The following TRIM33 variants were observed in gnomAD, a reference collection of about 807,000 sequenced individuals.
TRIM33 encodes tripartite motif containing 33, also known as E3 ubiquitin-protein ligase TRIM33.
TRIM33 carries 20 observed loss-of-function variants against 125.4 expected under a neutral mutation model. The ratio of observed to expected loss-of-function variants is 0.16; its 90% CI spans 0.11 to 0.23. The LOEUF is 0.23. Ranked by LOEUF, TRIM33 falls within the 10% of genes least tolerant of loss-of-function variation. The probability of loss-of-function intolerance (pLI) is 1.00; values close to 1 mark genes in which losing one functional copy is unlikely to be tolerated. For synonymous variants in TRIM33, 564 were observed against 513.9 expected, an observed-to-expected ratio of 1.10 and a Z score of -1.32; for missense variants, 920 against 1,411.4, an observed-to-expected ratio of 0.65 and a Z score of 5.58.
At chr1:114,410,422 C>G in intron 11 of TRIM33, 106 bp from the exon 12 acceptor site, 1 of 1,158,812 alleles carries the variant, frequency 8.6e-7, no homozygotes, top group Non-Finnish European at 1.2e-6. Context: ...AACAGATTAT[C>G]CAATATCAAG....
At chr1:114,504,665 T>C (rs1652896171) in intron 1 of TRIM33, among the ~76,000 whole-genome samples, 1 of 152,210 alleles carries the variant, frequency 6.6e-6, no homozygotes, top group Admixed American at 6.5e-5. Context: ...TGCTTTAAGG[T>C]ATTCTCATTT....
chr1:114,433,797 G>A, intron 4 of TRIM33, 64 bp from the exon 5 acceptor site: 1 of 1,036,838 alleles, frequency 9.6e-7, no homozygotes, highest in Non-Finnish European at 1.5e-6. Flanking sequence ...TGGAAATAAA[G>A]AACAGCTAAA....
At chr1:114,422,217 C>T (rs949984715) in intron 10 of TRIM33, among the ~76,000 whole-genome samples, 8 of 152,006 alleles carry the variant, frequency 5.3e-5, no homozygotes, top group African/African-American at 9.7e-5. Context: ...CTTAAGAAAA[C>T]GAATTCTACA....
chr1:114,494,689 C>T (rs1035606569), intron 1 of TRIM33, among the ~76,000 whole-genome samples: 2 of 152,108 alleles, frequency 1.3e-5, no homozygotes, highest in African/African-American at 4.8e-5. Flanking sequence ...AGGCCAACAG[C>T]CGTACTAAAA....
rs1571994990 is a variant in TRIM33 at position 114,393,218 on chromosome 1, A to G, written c.*4430T>C. The G allele has an allele frequency of 4.7e-5, 10 of 212,568 alleles. No homozygotes were observed. The highest frequency in any genetic ancestry group is 3.7e-4 in the South Asian group (2 of 5,352). 13.2% of individuals were successfully genotyped at this position (212,568 alleles called of 1,614,324 possible). A position where few individuals can be genotyped will look rare whatever the true frequency, so the allele number is the denominator to read the frequency against. On this transcript the variant is annotated 3_prime_UTR_variant, in exon 20 of 20. Transcript: ENST00000358465. ...AACCCTTTCGTGTGTAGGTATGTCT[A>G]CATAAAAAATTAACAGGCTTTCAAA...
At chr1:114,498,213 A>G (rs1436406077) in intron 1 of TRIM33, among the ~76,000 whole-genome samples, 1 of 152,140 alleles carries the variant, frequency 6.6e-6, no homozygotes, top group African/African-American at 2.4e-5. Context: ...AAAAGTAAAA[A>G]GTCAAATGAA....
chr1:114,401,390 G>A lies in TRIM33; in HGVS notation c.2966C>T (p.Ser989Leu). 3.7e-6 allele frequency: 6 copies of A among 1,611,350 alleles called. No individual in the cohort carries two copies. In the East Asian group the frequency reaches 6.7e-5, roughly 18 times the overall value. ...SIEFQEPVPA[S>L]IPNYYKIIKK... The stretch of plus-strand genomic sequence containing the variant: ...GAGCTACTAAGGTAGGCAACTCACC[G>A]AAGCAGGAACAGGCTCCTGGAATTC... The change falls in exon 17 of 20, where the codon TCG (serine) becomes TTG (leucine). Residue 989 changes from serine to leucine, a missense_variant and splice_region_variant. This residue lies in a region of TRIM33 where 122 missense variants were observed against 236.8 expected (regional missense o/e 0.52). Coordinates refer to ENST00000358465, the MANE Select transcript of TRIM33 (RefSeq NM_015906.4).
intron 1 of TRIM33, among the ~76,000 whole-genome samples, chr1:114,503,785 A>G (rs1200456565): frequency 6.6e-6 from 1 of 152,252 alleles, no homozygotes; most frequent in Non-Finnish European, 1.5e-5. Context: ...CCTGGAAATG[A>G]CAGGCTCAAT....
At chr1:114,436,133 T>C (rs1188302170) in intron 4 of TRIM33, among the ~76,000 whole-genome samples, 1 of 151,630 alleles carries the variant, frequency 6.6e-6, no homozygotes, top group Non-Finnish European at 1.5e-5. Context: ...CCAGGCGTGG[T>C]GGCTCACACC....
At chr1:114,481,720 T>A in intron 1 of TRIM33, among the ~76,000 whole-genome samples, 1 of 151,516 alleles carries the variant, frequency 6.6e-6, no homozygotes, top group East Asian at 1.9e-4. Flanking sequence ...TTTATATTGG[T>A]TTTTTCCTCC....
intron 15 of TRIM33, 105 bp downstream of exon 15, chr1:114,405,305 G>A (rs1652163913): frequency 2.4e-6 from 2 of 817,734 alleles, no homozygotes; most frequent in African/African-American, 3.4e-5. Flanking sequence ...CTGTTTTATA[G>A]AAATACTATG....
In TRIM33 at chr1:114,424,157, T is replaced by A. The variant is rs184861450; in HGVS notation, c.1860+434A>T. On this transcript the variant is annotated intron_variant, in intron 10 of 19. Transcript: ENST00000358465. ...TGAGTAGAGAAAAGGTAAAAAAAAA[T>A]AATAATAATAATACATATAGTTAGC... Among the ~76,000 whole-genome samples, 264 of 148,906 alleles carry A rather than the reference T, an allele frequency of 1.8e-3. 1 individual carries two copies. Among genetic ancestry groups the A allele is most frequent in the East Asian group, 8.9e-3 (46 of 5,160 alleles).
Position 114,424,757 on chromosome 1 carries a change from T to C in TRIM33, c.1696-2A>G. ...TTGCACACTGATCAATCGAGGAGGC[T>C]ACAAAAAGTAGAAATTGCAATTTAT... On this transcript the variant is annotated splice_acceptor_variant, in intron 9 of 19. Coordinates refer to ENST00000358465, the MANE Select transcript of TRIM33 (RefSeq NM_015906.4). LOFTEE classifies it high-confidence loss of function. The C allele has an allele frequency of 6.8e-7, 1 of 1,477,848 alleles. No homozygotes were observed. Among genetic ancestry groups the C allele is most frequent in the South Asian group, 1.5e-5 (1 of 68,412 alleles). The allele number at this position is 1,477,848 out of a possible 1,614,324, so 91.5% of individuals were successfully genotyped here.
intron 11 of TRIM33, among the ~76,000 whole-genome samples, chr1:114,412,302 A>C (rs1325597826): frequency 6.6e-6 from 1 of 152,252 alleles, no homozygotes; most frequent in Non-Finnish European, 1.5e-5. Flanking sequence ...TTACAGAAAT[A>C]TGTGTTTAAA....
intron 4 of TRIM33, 47 bp downstream of exon 4, chr1:114,463,056 CA>C: frequency 1.4e-6 from 2 of 1,463,796 alleles, no homozygotes; most frequent in Non-Finnish European, 1.8e-6. Flanking sequence ...AATGACTTTA[CA>C]AGCACTTTTT....
intron 1 of TRIM33, among the ~76,000 whole-genome samples, chr1:114,481,187 G>GA (rs1553220335): frequency 6.6e-6 from 1 of 150,420 alleles, no homozygotes; most frequent in African/African-American, 2.4e-5. Context: ...AAAGAAAGAA[G>GA]AAAAAAAGAT....
chr1:114,458,707 C>A (rs898055075), intron 4 of TRIM33, among the ~76,000 whole-genome samples: 2 of 152,184 alleles, frequency 1.3e-5, no homozygotes, highest in African/African-American at 4.8e-5. Context: ...TCTTTCTCTG[C>A]TACACCTCCT....
At chr1:114,428,553 A>G (rs1305609623) in intron 6 of TRIM33, among the ~76,000 whole-genome samples, 2 of 152,258 alleles carry the variant, frequency 1.3e-5, no homozygotes, top group African/African-American at 4.8e-5. Flanking sequence ...GACATTCAGC[A>G]TGCTGAACAA....
chr1:114,408,213 T>G (rs1652371495), intron 13 of TRIM33, among the ~76,000 whole-genome samples: 1 of 152,150 alleles, frequency 6.6e-6, no homozygotes, highest in African/African-American at 2.4e-5. Flanking sequence ...ACTACATTTT[T>G]ACAACAAATT....
Sources: gnomAD v4.1 joint callset for allele counts (sites outside exome capture counted in the v4.1 genomes callset) on GRCh38, gnomAD v4.1.1 for gene constraint, gnomAD v4.1.1 regional missense constraint, MANE v1.5 for transcripts, NCBI Gene and HGNC (gene_info 2026-07-23, HGNC 2026-07-21) for gene names.